LRRC36: variants seen among roughly 807,000 people sequenced by gnomAD.
LRRC36 encodes the protein leucine-rich repeat-containing protein 36.
A neutral mutation model predicts 81.1 loss-of-function variants in LRRC36; 62 were observed. That is an observed-to-expected ratio of 0.76 (90% CI 0.62 to 0.94). The LOEUF is 0.94. Ranked by LOEUF, LRRC36 falls within the 40% of genes least tolerant of loss-of-function variation. LRRC36 has a pLI of 0.00. For missense variants in LRRC36, 761 were observed against 881.7 expected, an observed-to-expected ratio of 0.86 and a Z score of 1.73; for synonymous variants, 334 against 348.6, an observed-to-expected ratio of 0.96 and a Z score of 0.47.
At chr16:67,364,209 G>T (rs181543565) in intron 6 of LRRC36, among the ~76,000 whole-genome samples, 1 of 152,340 alleles carries the variant, frequency 6.6e-6, no homozygotes, top group African/African-American at 2.4e-5. Flanking sequence ...GCAATGGGAA[G>T]ATAGAGATCA....
At chr16:67,374,107 G>A (rs2039781308) in intron 9 of LRRC36, among the ~76,000 whole-genome samples, 1 of 151,710 alleles carries the variant, frequency 6.6e-6, no homozygotes, top group Admixed American at 6.6e-5. Flanking sequence ...GGGATAGGAG[G>A]ATTGCTTGAA....
intron 1 of LRRC36, 109 bp from the exon 2 acceptor site, chr16:67,341,848 G>A: frequency 2.8e-6 from 2 of 712,304 alleles, no homozygotes; most frequent in East Asian, 2.7e-5. Flanking sequence ...AGGCTTGGAT[G>A]TAGGGCCTTG....
At chr16:67,380,695 G>A (rs930643659) in intron 12 of LRRC36, among the ~76,000 whole-genome samples, 1 of 152,086 alleles carries the variant, frequency 6.6e-6, no homozygotes. Flanking sequence ...TTAAAAGTAG[G>A]TATTTGTCCA....
intron 1 of LRRC36, among the ~76,000 whole-genome samples, chr16:67,337,609 C>T (rs1248990814): frequency 2.0e-5 from 3 of 151,854 alleles, no homozygotes; most frequent in Admixed American, 6.6e-5. Context: ...ATCTGCCCAC[C>T]TCGGCCTTCC....
chr16:67,340,820 C>CACATATACTCTATAGACTATATACT (rs1175171745), intron 1 of LRRC36, among the ~76,000 whole-genome samples: 2 of 102,756 alleles, frequency 1.9e-5, no homozygotes, highest in African/African-American at 1.2e-4. Flanking sequence ...GAATATATAC[C>CACATATACTCTATAGACTATATACT]ACATATACTC....
chr16:67,381,518 A>G (rs183870391), intron 12 of LRRC36, among the ~76,000 whole-genome samples: 13 of 152,322 alleles, frequency 8.5e-5, no homozygotes, highest in African/African-American at 3.1e-4. Context: ...TTGACTGCCT[A>G]TGCTAAGTGA....
chr16:67,332,584 C>G (rs2037549030), intron 1 of LRRC36, among the ~76,000 whole-genome samples: 1 of 152,058 alleles, frequency 6.6e-6, no homozygotes, highest in Admixed American at 6.6e-5. Context: ...TAAATAAACA[C>G]TGAAACGAAA....
intron 12 of LRRC36, among the ~76,000 whole-genome samples, chr16:67,379,757 TA>T (rs1428964713): frequency 3.3e-5 from 5 of 152,154 alleles, no homozygotes; most frequent in African/African-American, 9.7e-5. Flanking sequence ...AATTTACATA[TA>T]ATTAGATGCA....
intron 1 of LRRC36, among the ~76,000 whole-genome samples, chr16:67,332,172 A>G (rs985179883): frequency 4.6e-5 from 7 of 152,200 alleles, no homozygotes; most frequent in African/African-American, 1.7e-4. Context: ...TGTAACCCAT[A>G]TATTAAAATT....
intron 1 of LRRC36, among the ~76,000 whole-genome samples, chr16:67,335,037 G>A (rs768305753): frequency 1.1e-3 from 162 of 152,278 alleles, no homozygotes; most frequent in Non-Finnish European, 1.9e-3. Flanking sequence ...CCACAGGACC[G>A]GGGTGAAATT....
intron 2 of LRRC36, 72 bp downstream of exon 2, chr16:67,342,156 A>G: frequency 9.0e-7 from 1 of 1,106,718 alleles, no homozygotes; most frequent in Non-Finnish European, 1.2e-6. Context: ...TAAGAGATAG[A>G]TCATGTCATC....
At chr16:67,331,945 A>G (rs1418149905) in intron 1 of LRRC36, among the ~76,000 whole-genome samples, 3 of 151,804 alleles carry the variant, frequency 2.0e-5, no homozygotes, top group Non-Finnish European at 4.4e-5. Flanking sequence ...CCAAGATCAC[A>G]CCATTGCACT....
chr16:67,382,388 T>G, intron 13 of LRRC36, 141 bp downstream of exon 13: 3 of 595,074 alleles, frequency 5.0e-6, no homozygotes, highest in East Asian at 3.0e-5. Context: ...TCTGGCCAGT[T>G]AGCTCAGGGA....
At chr16:67,332,328 C>T (rs551190136) in intron 1 of LRRC36, among the ~76,000 whole-genome samples, 3 of 152,164 alleles carry the variant, frequency 2.0e-5, no homozygotes, top group Admixed American at 6.5e-5. Context: ...CTGAGGAGGG[C>T]GAATCACGAG....
chr16:67,350,986 C>G (rs1355079108), intron 5 of LRRC36, among the ~76,000 whole-genome samples: 1 of 151,854 alleles, frequency 6.6e-6, no homozygotes, highest in Non-Finnish European at 1.5e-5. Flanking sequence ...TGTGGTGAGC[C>G]GAGATCACGC....
At chr16:67,368,341 G>A (rs933561887) in intron 8 of LRRC36, among the ~76,000 whole-genome samples, 1 of 152,110 alleles carries the variant, frequency 6.6e-6, no homozygotes, top group Non-Finnish European at 1.5e-5. Flanking sequence ...ATTATATAAG[G>A]GCATAGAGCG....
At chr16:67,331,474 A>C (rs902702456) in intron 1 of LRRC36, among the ~76,000 whole-genome samples, 1 of 152,184 alleles carries the variant, frequency 6.6e-6, no homozygotes, top group East Asian at 1.9e-4. Context: ...GCAGTGCACT[A>C]TGATAGTGCT....
At chr16:67,358,724 C>T (rs1567485031) in intron 5 of LRRC36, among the ~76,000 whole-genome samples, 1 of 151,930 alleles carries the variant, frequency 6.6e-6, no homozygotes, top group Non-Finnish European at 1.5e-5. Context: ...AAAATGTGGG[C>T]AGAGAATTTG....
intron 9 of LRRC36, 183 bp downstream of exon 9, chr16:67,371,425 A>T (rs971971262): frequency 1.5e-6 from 1 of 660,066 alleles, no homozygotes; most frequent in African/African-American, 1.8e-5. Context: ...TGGGAAAGTC[A>T]TTCCCCCACT....
Sources: allele counts gnomAD v4.1 joint callset (sites outside exome capture counted in the v4.1 genomes callset), GRCh38; gene constraint gnomAD v4.1.1; transcripts MANE v1.5; gene names NCBI Gene and HGNC (gene_info 2026-07-23, HGNC 2026-07-21).